Variants in POTEB3 observed in about 807,000 individuals in gnomAD.
The protein encoded by POTEB3 is ANKRD26-like family B member 1.
Under a neutral mutation model 39.8 loss-of-function variants are expected in POTEB3, and 5 were observed. The ratio of observed to expected loss-of-function variants is 0.13; its 90% confidence interval spans 0.07 to 0.26. The LOEUF (loss-of-function observed/expected upper bound fraction) is 0.26, where lower values mean the gene tolerates loss of function less well. POTEB3 is among the 10% of genes least tolerant of loss of function. The pLI is 1.00. For missense variants in POTEB3, 24 were observed against 475.6 expected, an observed-to-expected ratio of 0.05 and a Z score of 8.83; for synonymous variants, 5 against 161.5, an observed-to-expected ratio of 0.03 and a Z score of 7.35.
chr15:21,417,971 C>A (rs1898436417), intron 9 of POTEB3, among the ~76,000 whole-genome samples: 1 of 104,932 alleles, frequency 9.5e-6, no homozygotes. Context: ...TGGGCCAAAT[C>A]CAGGCCACTG....
At chr15:21,423,167 C>A (rs1315271662) in intron 6 of POTEB3, among the ~76,000 whole-genome samples, 1 of 138,400 alleles carries the variant, frequency 7.2e-6, no homozygotes, top group Non-Finnish European at 1.6e-5. Flanking sequence ...GTGGCACAAT[C>A]TCAGCTCACT....
At chr15:21,426,170 C>G in intron 6 of POTEB3, 1 of 443,560 alleles carries the variant, frequency 2.3e-6, no homozygotes, top group South Asian at 1.6e-5. Flanking sequence ...AACAGGCAAT[C>G]TCATCAGATG....
chr15:21,425,378 G>T (rs1274046677), intron 6 of POTEB3: 1 of 114,452 alleles, frequency 8.7e-6, no homozygotes, highest in African/African-American at 3.6e-5. Context: ...TACAGAAAAA[G>T]CTTGCTAACC....
In POTEB3 at chr15:21,414,904, AG is replaced by A. The variant is rs1414847155; in HGVS notation, c.1410-3904del. On this transcript the variant is annotated intron_variant, in intron 9 of 10. Transcript: ENST00000611217. ...AGAGTTTGAGACCAGCCTGACCAAC[AG>A]GGTGAAACCCCATCTCTATTAAAAA... Among the ~76,000 whole-genome samples, 6 of 95,656 alleles carry A rather than the reference AG, an allele frequency of 6.3e-5. No individual in the cohort carries two copies. In the East Asian group the frequency reaches 1.3e-3, roughly 21 times the overall value. 62.8% of individuals were successfully genotyped at this position (95,656 alleles called of 152,430 possible).
chr15:21,430,273 T>TGAC lies in POTEB3; in HGVS notation c.1043_1045dup (p.Ser348_His349insArg). Reference sequence around the variant, plus strand: ...TCATGTAAACACTTACACATGATGATGACTAGAAACAGCATACTCTCTGGC... The same window carrying TGAC: ...TCATGTAAACACTTACACATGATGATGACGACTAGAAACAGCATACTCTCTGGC... On this transcript the variant is annotated inframe_insertion, in exon 5 of 11. Coordinates refer to ENST00000611217, the MANE Select transcript of POTEB3 (RefSeq NM_207355.5). 6.8e-7 allele frequency: 1 copy of TGAC among 1,470,080 alleles called. No individual in the cohort carries two copies. Among genetic ancestry groups the TGAC allele is most frequent in the Non-Finnish European group, 9.1e-7 (1 of 1,094,494 alleles). The allele number at this position is 1,470,080 out of a possible 1,614,324, so 91.1% of individuals were successfully genotyped here. A position where few individuals can be genotyped will look rare whatever the true frequency, so the allele number is the denominator to read the frequency against.
chr15:21,434,048 C>G, intron 3 of POTEB3, among the ~76,000 whole-genome samples: 1 of 134,514 alleles, frequency 7.4e-6, no homozygotes, highest in South Asian at 2.2e-4. Context: ...CACACACACA[C>G]ACACACACAC....
intron 6 of POTEB3, chr15:21,425,942 A>G: frequency 4.0e-6 from 1 of 248,518 alleles, no homozygotes; most frequent in Non-Finnish European, 8.1e-6. Context: ...TACAGTCCAA[A>G]GCATTCTACC....
intron 9 of POTEB3, among the ~76,000 whole-genome samples, chr15:21,417,828 T>C (rs1319290315): frequency 9.3e-6 from 1 of 107,492 alleles, no homozygotes; most frequent in Admixed American, 8.4e-5. Context: ...AAAAATATGG[T>C]GAGGTGAATA....
In POTEB3 at chr15:21,420,789, T is replaced by C. The variant is rs1276218352; in HGVS notation, c.1198-71A>G. ...TGTATGTCTCCTCTTTTGGAATGCA[T>C]GTTAAAATAATTTTATTCTTAAGTA... On this transcript the variant is annotated intron_variant, in intron 7 of 10. Coordinates refer to ENST00000611217, the MANE Select transcript of POTEB3 (RefSeq NM_207355.5). The C allele has an allele frequency of 6.8e-5, 5 of 73,438 alleles. 1 individual carries two copies. The East Asian group carries it at 1.1e-3, about 17-fold the overall frequency. 4.5% of individuals were successfully genotyped at this position (73,438 alleles called of 1,614,324 possible).
chr15:21,434,188 A>G (rs1899098763), intron 3 of POTEB3, among the ~76,000 whole-genome samples: 1 of 140,628 alleles, frequency 7.1e-6, no homozygotes, highest in Non-Finnish European at 1.5e-5. Flanking sequence ...CTCATGAGCA[A>G]TCAGAAATAT....
intron 6 of POTEB3, among the ~76,000 whole-genome samples, chr15:21,422,908 A>G (rs1314826774): frequency 6.1e-5 from 9 of 146,526 alleles, no homozygotes; most frequent in African/African-American, 2.5e-5. Flanking sequence ...TTTGATGCAA[A>G]TCCGCTGAGC....
intron 9 of POTEB3, among the ~76,000 whole-genome samples, chr15:21,417,102 G>A (rs1898418939): frequency 1.3e-5 from 1 of 75,456 alleles, no homozygotes; most frequent in South Asian, 3.1e-4. Flanking sequence ...GGTCCTGAAA[G>A]CCAGTGAAGA....
intron 4 of POTEB3, among the ~76,000 whole-genome samples, chr15:21,430,836 T>G (rs1898932698): frequency 2.0e-5 from 3 of 151,874 alleles, no homozygotes; most frequent in African/African-American, 4.8e-5. Context: ...ATGGTAAGAA[T>G]AGTAGTCACA....
intron 9 of POTEB3, among the ~76,000 whole-genome samples, chr15:21,413,538 A>ATATATAT (rs1898355516): frequency 3.9e-5 from 1 of 25,678 alleles, no homozygotes; most frequent in Non-Finnish European, 6.1e-5. Flanking sequence ...ATATATATAT[A>ATATATAT]TATATATATA....
intron 6 of POTEB3, among the ~76,000 whole-genome samples, chr15:21,423,250 A>G (rs1488584784): frequency 1.0e-5 from 1 of 99,528 alleles, no homozygotes; most frequent in African/African-American, 3.8e-5. Context: ...ACAGGCACAC[A>G]CCATCATGCC....
intron 4 of POTEB3, among the ~76,000 whole-genome samples, chr15:21,430,785 T>C (rs1259184463): frequency 1.3e-5 from 2 of 151,450 alleles, no homozygotes; most frequent in Non-Finnish European, 2.9e-5. Flanking sequence ...CTAAGATAAA[T>C]AAGAGCTCTC....
chr15:21,431,048 G>T (rs2141368249), intron 4 of POTEB3, among the ~76,000 whole-genome samples: 1 of 149,636 alleles, frequency 6.7e-6, no homozygotes, highest in East Asian at 2.0e-4. Flanking sequence ...CCAGTCTTGT[G>T]TGAATCCAAA....
At position 21,440,385 on chromosome 15, in the gene POTEB3, C is replaced by T; in HGVS notation, c.-374G>A. On this transcript the variant is annotated 5_prime_UTR_variant, in exon 1 of 11. Transcript: ENST00000611217. ...AAGAAACACCAGGCAAAGCTACTAACAGCCAAGCCAAGCTAGGAACGCAAG... is the reference window on the plus strand; with the variant it reads ...AAGAAACACCAGGCAAAGCTACTAATAGCCAAGCCAAGCTAGGAACGCAAG... The T allele has an allele frequency of 3.0e-6, 1 of 331,938 alleles. No homozygotes were observed. The highest frequency in any genetic ancestry group is 4.1e-5 in the African/African-American group (1 of 24,386). 20.6% of individuals were successfully genotyped at this position (331,938 alleles called of 1,614,324 possible).
At position 21,425,377 on chromosome 15, in the gene POTEB3, AG is replaced by A. The variant is rs1342699343; in HGVS notation, c.1126+2307del. 3.5e-5 allele frequency: 4 copies of A among 115,170 alleles called. No individual in the cohort carries two copies. In the Admixed American group the frequency reaches 3.9e-4, roughly 11 times the overall value. 7.1% of individuals were successfully genotyped at this position (115,170 alleles called of 1,614,324 possible). On this transcript the variant is annotated intron_variant, in intron 6 of 10. Coordinates refer to ENST00000611217, the MANE Select transcript of POTEB3 (RefSeq NM_207355.5). ...TTCCCACCTGGTCCTTTACAGAAAA[AG>A]CTTGCTAACCCATTTTACACCATAA...
Sources: allele counts gnomAD v4.1 joint callset (sites outside exome capture counted in the v4.1 genomes callset), GRCh38; gene constraint gnomAD v4.1.1; transcripts MANE v1.5; gene names NCBI Gene and HGNC (gene_info 2026-07-23, HGNC 2026-07-21).